The following GRIN2A variants were observed in gnomAD, a reference collection of about 807,000 sequenced individuals.
GRIN2A encodes the protein glutamate receptor ionotropic, NMDA 2A.
GRIN2A carries 22 observed loss-of-function variants against 113.4 expected under a neutral mutation model. The ratio of observed to expected loss-of-function variants is 0.19; its 90% CI spans 0.14 to 0.28. The LOEUF (loss-of-function observed/expected upper bound fraction) is 0.28, where lower values mean the gene tolerates loss of function less well. Among genes scored for constraint, GRIN2A ranks in the 10% least tolerant of loss-of-function variants. The pLI is 1.00. For missense variants in GRIN2A, 1,502 were observed against 1,887.0 expected (o/e 0.80, Z 3.78); for synonymous variants, 827 against 738.4 (o/e 1.12, Z -1.94).
intron 2 of GRIN2A, among the ~76,000 whole-genome samples, chr16:10,037,782 C>T (rs1190503926): frequency 2.0e-5 from 3 of 152,066 alleles, no homozygotes; most frequent in South Asian, 2.1e-4. Context: ...GCCACCACAC[C>T]CAGCTAATTT....
At chr16:10,177,724 A>G (rs545971846) in intron 2 of GRIN2A, among the ~76,000 whole-genome samples, 1 of 152,212 alleles carries the variant, frequency 6.6e-6, no homozygotes, top group African/African-American at 2.4e-5. Context: ...GGACTTCTCA[A>G]AACTTTCTTT....
Position 9,756,963 on chromosome 16 carries a change from T to C in GRIN2A, c.*6186A>G, listed in dbSNP as rs2141112353. The C allele has an allele frequency of 5.2e-6, 1 of 191,850 alleles. No individual in the cohort carries two copies. Among genetic ancestry groups the C allele is most frequent in the Non-Finnish European group, 1.1e-5 (1 of 91,576 alleles). 11.9% of individuals were successfully genotyped at this position (191,850 alleles called of 1,614,324 possible). On this transcript the variant is annotated 3_prime_UTR_variant, in exon 13 of 13. Transcript: ENST00000330684. ...GGCACTTGGAACTTGATAAAGAATTTTCCCTCTATGCTTCCCTGATACATT... is the reference window on the plus strand; with the variant it reads ...GGCACTTGGAACTTGATAAAGAATTCTCCCTCTATGCTTCCCTGATACATT...
intron 2 of GRIN2A, among the ~76,000 whole-genome samples, chr16:9,954,573 A>G (rs1285273830): frequency 1.3e-5 from 2 of 152,210 alleles, no homozygotes; most frequent in African/African-American, 2.4e-5. Context: ...AATAGCCTGC[A>G]GAATGAGTCC....
At chr16:10,047,180 C>T (rs1208770705) in intron 2 of GRIN2A, among the ~76,000 whole-genome samples, 1 of 152,258 alleles carries the variant, frequency 6.6e-6, no homozygotes, top group South Asian at 2.1e-4. Flanking sequence ...TTGTTTCCTG[C>T]CCTCAAGTAA....
At chr16:9,990,666 C>CA (rs974031923) in intron 2 of GRIN2A, among the ~76,000 whole-genome samples, 1 of 138,824 alleles carries the variant, frequency 7.2e-6, no homozygotes, top group African/African-American at 2.6e-5. Context: ...CTTACATTGG[C>CA]ATTTTTTTTT....
intron 11 of GRIN2A, among the ~76,000 whole-genome samples, chr16:9,791,758 G>A (rs189933058): frequency 4.5e-4 from 68 of 151,910 alleles, no homozygotes; most frequent in Non-Finnish European, 6.5e-4. Context: ...GTCCCCTGCC[G>A]TCAAAAGCTA....
intron 2 of GRIN2A, among the ~76,000 whole-genome samples, chr16:10,032,565 C>T (rs906468361): frequency 1.3e-5 from 2 of 152,168 alleles, no homozygotes; most frequent in Non-Finnish European, 2.9e-5. Context: ...ACTTTCAGCC[C>T]TTGCAACCCA....
In GRIN2A at chr16:10,180,208, G is replaced by A. The variant is rs1330657376; in HGVS notation, c.204C>T (p.Asn68=). 6.2e-7 allele frequency: 1 copy of A among 1,614,168 alleles called. No individual in the cohort carries two copies. The change falls in exon 2 of 13, where the codon AAC becomes AAT. Residue 68 remains asparagine, a synonymous_variant. Coordinates refer to ENST00000330684, the MANE Select transcript of GRIN2A (RefSeq NM_001134407.3). The surrounding 1 kb of genome is among the most constrained non-coding windows in gnomAD (Gnocchi z 7.0). ...EQAAGLPLDV[N]VVALLMNRTD... is the part of the protein sequence containing the mutation. ...TGCGGTTCATCAGCAGAGCTACCAC[G>A]TTCACGTCCAGGGGCAGCCCCGCCG...
rs115269151 is a variant in GRIN2A at position 10,042,663 on chromosome 16, C to T, written c.415-104112G>A. Reference sequence around the variant, plus strand: ...GTTATGCACCAATAGCTAACTAATACACAACACAGCCATCAGTACATAGTT... The same window carrying T: ...GTTATGCACCAATAGCTAACTAATATACAACACAGCCATCAGTACATAGTT... On this transcript the variant is annotated intron_variant, in intron 2 of 12. Transcript: ENST00000330684. Among the ~76,000 whole-genome samples, 1,186 of 152,264 alleles carry T rather than the reference C, an allele frequency of 7.8e-3. 14 individuals are homozygous for T. Among genetic ancestry groups the T allele is most frequent in the African/African-American group, 0.027 (1,135 of 41,540 alleles).
intron 4 of GRIN2A, among the ~76,000 whole-genome samples, chr16:9,851,884 A>T (rs753170186): frequency 1.3e-4 from 20 of 152,220 alleles, no homozygotes; most frequent in Non-Finnish European, 2.6e-4. Context: ...CTGACATGGC[A>T]TGTAACACAT....
intron 11 of GRIN2A, among the ~76,000 whole-genome samples, chr16:9,786,444 A>G (rs540751378): frequency 6.6e-6 from 1 of 152,236 alleles, no homozygotes; most frequent in Admixed American, 6.5e-5. Context: ...CAATGGAAAA[A>G]AAGTGTAGGT....
At chr16:9,932,830 C>T (rs551763434) in intron 3 of GRIN2A, among the ~76,000 whole-genome samples, 6 of 152,256 alleles carry the variant, frequency 3.9e-5, no homozygotes, top group Admixed American at 1.3e-4. Context: ...AGTGACTCAC[C>T]CAAGGTCCGA....
chr16:9,836,037 G>A (rs918140066), intron 7 of GRIN2A, among the ~76,000 whole-genome samples: 1 of 152,126 alleles, frequency 6.6e-6, no homozygotes, highest in Non-Finnish European at 1.5e-5. Flanking sequence ...TTATGTCCCT[G>A]AAATAATAGC....
chr16:10,069,500 C>T (rs780983265), intron 2 of GRIN2A, among the ~76,000 whole-genome samples: 3 of 152,202 alleles, frequency 2.0e-5, no homozygotes, highest in South Asian at 2.1e-4. Flanking sequence ...CCTTGCAATG[C>T]GTCAGTCCCC....
In GRIN2A at chr16:9,873,622, A is replaced by G. The variant is rs570460856; in HGVS notation, c.1122+17364T>C. On this transcript the variant is annotated intron_variant, in intron 4 of 12. Coordinates refer to ENST00000330684, the MANE Select transcript of GRIN2A (RefSeq NM_001134407.3). ...ATCTTTCCTGGTCTTAGAGAAAACA[A>G]AACAAAAAAGTGGAGTGAAATGTTT... Among the ~76,000 whole-genome samples the G allele has an allele frequency of 2.0e-5, 3 of 152,338 alleles. No individual in the cohort carries two copies. In the East Asian group the frequency reaches 5.8e-4, roughly 29 times the overall value.
intron 2 of GRIN2A, among the ~76,000 whole-genome samples, chr16:10,144,530 G>C (rs1042748360): frequency 1.3e-5 from 2 of 152,086 alleles, no homozygotes; most frequent in African/African-American, 4.8e-5. Flanking sequence ...TCACTACTGA[G>C]TCATAGGAAT....
chr16:10,065,207 T>C (rs796359596), intron 2 of GRIN2A, among the ~76,000 whole-genome samples: 1 of 152,172 alleles, frequency 6.6e-6, no homozygotes, highest in African/African-American at 2.4e-5. Flanking sequence ...GGAGAATTAT[T>C]AACCATCATT....
chr16:9,835,732 G>A (rs1018360883), intron 7 of GRIN2A, among the ~76,000 whole-genome samples: 21 of 152,158 alleles, frequency 1.4e-4, no homozygotes, highest in African/African-American at 5.1e-4. Flanking sequence ...GAGCTAGGTT[G>A]ATAGCAGGCC....
intron 11 of GRIN2A, among the ~76,000 whole-genome samples, chr16:9,778,637 C>A (rs1373491095): frequency 6.6e-6 from 1 of 152,196 alleles, no homozygotes. Context: ...GCCCTAATGA[C>A]CAACGAGGGG....
Sources: allele counts gnomAD v4.1 joint callset (sites outside exome capture counted in the v4.1 genomes callset), GRCh38; gene constraint gnomAD v4.1.1; non-coding constraint Gnocchi (gnomAD v3.1); transcripts MANE v1.5; gene names NCBI Gene and HGNC (gene_info 2026-07-23, HGNC 2026-07-21).